The following MRPS28 variants were observed in gnomAD, a reference collection of about 807,000 sequenced individuals.
MRPS28 encodes the protein mitochondrial ribosomal protein S28.
In MRPS28, 7 loss-of-function variants were observed where a neutral mutation model predicts 10.8. The observed-to-expected ratio is 0.65, with a 90% CI of 0.37 to 1.22. The LOEUF is 1.22. MRPS28 is among the 50% of genes most tolerant of loss of function. MRPS28 has a pLI of 0.02. For synonymous variants in MRPS28, 121 were observed against 93.3 expected (o/e 1.30, Z -1.71); for missense variants, 265 against 232.9 (o/e 1.14, Z -0.90).
intron 2 of MRPS28, among the ~76,000 whole-genome samples, chr8:79,963,030 G>A (rs960579344): frequency 1.3e-5 from 2 of 152,060 alleles, no homozygotes; most frequent in African/African-American, 4.8e-5. Flanking sequence ...GAAACACAAT[G>A]GATAAAACCC....
intron 1 of MRPS28, among the ~76,000 whole-genome samples, chr8:80,011,135 A>ATTTTTTTTTT (rs149203015): frequency 7.3e-6 from 1 of 136,108 alleles, no homozygotes; most frequent in Non-Finnish European, 1.6e-5. Context: ...TTATTTTTTT[A>ATTTTTTTTTT]TTTTTATTTT....
chr8:79,982,983 TGACCC>T (rs1808015622), intron 2 of MRPS28, among the ~76,000 whole-genome samples: 2 of 123,416 alleles, frequency 1.6e-5, no homozygotes, highest in Non-Finnish European at 3.3e-5. Context: ...CCCTGACGCC[TGACCC>T]CCGACCCCCG....
At chr8:79,945,182 T>A (rs926676860) in intron 2 of MRPS28, among the ~76,000 whole-genome samples, 5 of 152,128 alleles carry the variant, frequency 3.3e-5, no homozygotes, top group Non-Finnish European at 7.4e-5. Flanking sequence ...CCTAGTCACA[T>A]GAAAAGCCTT....
chr8:79,964,819 T>C (rs572628956), intron 2 of MRPS28, among the ~76,000 whole-genome samples: 2 of 152,220 alleles, frequency 1.3e-5, no homozygotes, highest in Admixed American at 6.5e-5. Flanking sequence ...ACTCACACTA[T>C]GACCACTGCC....
At chr8:79,983,437 G>A (rs1408502848) in intron 2 of MRPS28, among the ~76,000 whole-genome samples, 2 of 152,196 alleles carry the variant, frequency 1.3e-5, no homozygotes, top group Non-Finnish European at 2.9e-5. Flanking sequence ...TGACTTTGAC[G>A]AGTTGAGAGA....
intron 2 of MRPS28, 61 bp downstream of exon 2, chr8:80,002,938 C>G (rs1489259326): frequency 7.4e-7 from 1 of 1,346,504 alleles, no homozygotes; most frequent in African/African-American, 1.5e-5. Flanking sequence ...TTCAACAATA[C>G]TTTTGCGCTA....
chr8:80,002,928 T>C, intron 2 of MRPS28, 71 bp downstream of exon 2: 6 of 1,257,610 alleles, frequency 4.8e-6, no homozygotes, highest in Non-Finnish European at 6.5e-6. Flanking sequence ...TCACCTTTCA[T>C]TCAACAATAC....
Position 79,919,004 on chromosome 8 carries a change from C to A in MRPS28, c.540G>T (p.Ser180=), listed in dbSNP as rs147631923. ...TTTATTTTTCATGATGTTCTTCTTT[C>A]GATCTTGAGTCTTTACTCTCCTGGA... The part of the protein sequence containing the change: ...LGIQESKDSR[S]KEEHHEK The change falls in exon 3 of 3, where the codon TCG becomes TCT. Residue 180 remains serine, a synonymous_variant. Transcript: ENST00000276585. The A allele has an allele frequency of 1.3e-6, 2 of 1,565,262 alleles. No individual in the cohort carries two copies. The highest frequency in any genetic ancestry group is 2.0e-5 in the Admixed American group (1 of 49,726).
chr8:79,920,772 T>C (rs1304317241), intron 2 of MRPS28, among the ~76,000 whole-genome samples: 1 of 152,206 alleles, frequency 6.6e-6, no homozygotes, highest in Admixed American at 6.5e-5. Context: ...TCTTTTGCTG[T>C]GCAGAAGCGC....
chr8:80,024,234 A>G (rs1809443253), intron 1 of MRPS28, among the ~76,000 whole-genome samples: 1 of 152,164 alleles, frequency 6.6e-6, no homozygotes, highest in African/African-American at 2.4e-5. Context: ...GTCTGGAAAA[A>G]AAAAAAAGAT....
chr8:79,974,434 G>T (rs1265048946), intron 2 of MRPS28, among the ~76,000 whole-genome samples: 1 of 151,882 alleles, frequency 6.6e-6, no homozygotes, highest in East Asian at 1.9e-4. Flanking sequence ...CAGCTACTCG[G>T]GAGGCTGAGG....
At chr8:79,986,179 T>G (rs201290368) in intron 2 of MRPS28, among the ~76,000 whole-genome samples, 3 of 152,104 alleles carry the variant, frequency 2.0e-5, no homozygotes, top group African/African-American at 7.2e-5. Flanking sequence ...CAAAAACCAC[T>G]TGATTATCTC....
chr8:79,990,019 G>A (rs1418310574), intron 2 of MRPS28, among the ~76,000 whole-genome samples: 1 of 152,126 alleles, frequency 6.6e-6, no homozygotes. Flanking sequence ...ACATTAGCCA[G>A]GCATGGTGGC....
chr8:79,926,823 C>T (rs1810245498), intron 2 of MRPS28, among the ~76,000 whole-genome samples: 1 of 152,090 alleles, frequency 6.6e-6, no homozygotes, highest in Admixed American at 6.5e-5. Flanking sequence ...AGTTGTTTTT[C>T]TTAAAAAGAA....
intron 2 of MRPS28, among the ~76,000 whole-genome samples, chr8:79,975,773 A>G (rs1235171403): frequency 6.6e-6 from 1 of 152,232 alleles, no homozygotes; most frequent in Non-Finnish European, 1.5e-5. Context: ...AATGTGTATA[A>G]ATCTTTAAAG....
chr8:79,936,632 T>C (rs1806610953), intron 2 of MRPS28, among the ~76,000 whole-genome samples: 1 of 152,208 alleles, frequency 6.6e-6, no homozygotes, highest in African/African-American at 2.4e-5. Flanking sequence ...AATTATGATG[T>C]CTGTACAAGG....
chr8:79,921,408 C>A (rs889361791), intron 2 of MRPS28, among the ~76,000 whole-genome samples: 5 of 152,144 alleles, frequency 3.3e-5, no homozygotes, highest in South Asian at 2.1e-4. Context: ...CATATTGATT[C>A]TTCCTACCCA....
In MRPS28 at chr8:79,923,577, T is replaced by G. The variant is rs181872666; in HGVS notation, c.396-4429A>C. Among the ~76,000 whole-genome samples the G allele has an allele frequency of 8.2e-3, 1,254 of 152,244 alleles. 13 individuals are homozygous for G. Among genetic ancestry groups the G allele is most frequent in the Non-Finnish European group, 0.014 (926 of 68,000 alleles). On this transcript the variant is annotated intron_variant, in intron 2 of 2. Coordinates refer to ENST00000276585, the MANE Select transcript of MRPS28 (RefSeq NM_014018.3). ...GGGGAAAAAGCCCCCCAGGCAGCAG[T>G]TTTTCAGAAATCTTGTATTTCCTAT...
At chr8:80,020,544 G>T (rs574828699) in intron 1 of MRPS28, among the ~76,000 whole-genome samples, 3 of 152,324 alleles carry the variant, frequency 2.0e-5, no homozygotes, top group Admixed American at 6.5e-5. Context: ...GAATTGAAAA[G>T]ATTTTTATCA....
Sources: gnomAD v4.1 joint callset for allele counts (sites outside exome capture counted in the v4.1 genomes callset) on GRCh38, gnomAD v4.1.1 for gene constraint, MANE v1.5 for transcripts, NCBI Gene and HGNC (gene_info 2026-07-23, HGNC 2026-07-21) for gene names.